The following ESYT2 variants were observed in gnomAD, a reference collection of about 807,000 sequenced individuals.
The protein encoded by ESYT2 is extended synaptotagmin 2.
Under a neutral mutation model 107.2 loss-of-function variants are expected in ESYT2, and 54 were observed. The ratio of observed to expected loss-of-function variants is 0.50; its 90% CI spans 0.40 to 0.63. ESYT2 has a LOEUF of 0.63. ESYT2 is among the 30% of genes least tolerant of loss of function. ESYT2 has a pLI of 0.00. For synonymous variants in ESYT2, 491 were observed against 434.1 expected (o/e 1.13, Z -1.63); for missense variants, 1,020 against 1,094.5 (o/e 0.93, Z 0.96).
chr7:158,770,671 T>C lies in ESYT2; in HGVS notation c.803+2670A>G, dbSNP rs963870736. Reference sequence around the variant, plus strand: ...CTGGGACTACAGGCGCCTGCCACCATGCCCGGCTAATTTTTTTGTATTTTC... The same window carrying C: ...CTGGGACTACAGGCGCCTGCCACCACGCCCGGCTAATTTTTTTGTATTTTC... On this transcript the variant is annotated intron_variant, in intron 7 of 22. Coordinates refer to ENST00000275418, the MANE Select transcript of ESYT2 (RefSeq NM_001367773.1). 2.2e-4 allele frequency among the ~76,000 whole-genome samples: 33 copies of C among 151,980 alleles called. No homozygotes were observed. The East Asian group carries it at 2.7e-3, about 13-fold the overall frequency.
At chr7:158,779,750 C>T (rs1838706855) in intron 6 of ESYT2, among the ~76,000 whole-genome samples, 2 of 152,238 alleles carry the variant, frequency 1.3e-5, no homozygotes, top group African/African-American at 4.8e-5. Context: ...TCACTTGCTT[C>T]TAAGTCTCTC....
At chr7:158,824,908 T>C (rs1242515792) in intron 1 of ESYT2, among the ~76,000 whole-genome samples, 3 of 152,230 alleles carry the variant, frequency 2.0e-5, no homozygotes, top group African/African-American at 7.2e-5. Context: ...TCCCAGCTAC[T>C]TGGGAGACTC....
rs192785465 is a variant in ESYT2 at position 158,796,679 on chromosome 7, G to A, written c.507+1263C>T. Reference sequence around the variant, plus strand: ...AGGCTGACATGGCCAAGACGGCACCGCGGACAAGAAGGCAGCAGGATGGCC... The same window carrying A: ...AGGCTGACATGGCCAAGACGGCACCACGGACAAGAAGGCAGCAGGATGGCC... On this transcript the variant is annotated intron_variant, in intron 3 of 22. Transcript: ENST00000275418. 3.1e-3 allele frequency among the ~76,000 whole-genome samples: 471 copies of A among 152,342 alleles called. 5 individuals carry two copies. The highest frequency in any genetic ancestry group is 0.011 in the African/African-American group (445 of 41,574).
Position 158,764,819 on chromosome 7 carries a change from T to G in ESYT2, c.959A>C (p.Asp320Ala). The change falls in exon 9 of 23, where the codon GAT becomes GCT. Residue 320 changes from aspartate (D) to alanine (A), a missense_variant. Asp to Ala is a moderately radical substitution (Grantham distance 126). Coordinates refer to ENST00000275418, the MANE Select transcript of ESYT2 (RefSeq NM_001367773.1). ...AAGGTAAGTGTCTTTCCCCTGAAGA[T>G]CCTGAGCTTCAATAAAATGTATCCT... The part of the protein sequence containing the change: ...VLRIHFIEAQ[D>A]LQGKDTYLKG... 1 of 1,614,160 alleles carries G rather than the reference T, an allele frequency of 6.2e-7. No homozygotes were observed. Among genetic ancestry groups the G allele is most frequent in the Non-Finnish European group, 8.5e-7 (1 of 1,180,002 alleles).
chr7:158,778,032 C>T (rs757803023), intron 6 of ESYT2, among the ~76,000 whole-genome samples: 6 of 152,126 alleles, frequency 3.9e-5, no homozygotes, highest in South Asian at 2.1e-4. Context: ...CACAATAAAG[C>T]GAGGTGTGCC....
intron 14 of ESYT2, among the ~76,000 whole-genome samples, chr7:158,751,282 T>A (rs1837575484): frequency 6.6e-6 from 1 of 152,228 alleles, no homozygotes; most frequent in African/African-American, 2.4e-5. Context: ...AAATAAACAC[T>A]GTCAAAACTT....
At chr7:158,818,055 C>G (rs1840194017) in intron 1 of ESYT2, among the ~76,000 whole-genome samples, 1 of 152,180 alleles carries the variant, frequency 6.6e-6, no homozygotes, top group Non-Finnish European at 1.5e-5. Flanking sequence ...ACATATAATA[C>G]ACGTTAAAAT....
At chr7:158,804,281 CGCG>C (rs2129473736) in intron 1 of ESYT2, among the ~76,000 whole-genome samples, 1 of 75,882 alleles carries the variant, frequency 1.3e-5, no homozygotes, top group South Asian at 5.9e-4. Context: ...GGGTGAGGCG[CGCG>C]ACAAACCCAA....
At chr7:158,806,027 T>C (rs1440404341) in intron 1 of ESYT2, among the ~76,000 whole-genome samples, 2 of 149,648 alleles carry the variant, frequency 1.3e-5, no homozygotes, top group African/African-American at 2.5e-5. Context: ...CAGGGCTCTT[T>C]TGGCCTGAAG....
chr7:158,820,412 A>G (rs1247616335), intron 1 of ESYT2, among the ~76,000 whole-genome samples: 2 of 152,230 alleles, frequency 1.3e-5, no homozygotes, highest in Non-Finnish European at 2.9e-5. Flanking sequence ...TTTGTTAATT[A>G]GCTTGATTTA....
chr7:158,790,859 C>T (rs1038941897), intron 4 of ESYT2, among the ~76,000 whole-genome samples: 7 of 152,042 alleles, frequency 4.6e-5, no homozygotes, highest in African/African-American at 1.7e-4. Context: ...ATCCAGGAGG[C>T]GGAGGTTGCA....
At chr7:158,824,361 T>G (rs2129474393) in intron 1 of ESYT2, among the ~76,000 whole-genome samples, 1 of 152,256 alleles carries the variant, frequency 6.6e-6, no homozygotes, top group East Asian at 1.9e-4. Flanking sequence ...TGCCAACTAT[T>G]TTCAGTTACA....
chr7:158,827,162 C>CAAAAAAA (rs34940580), intron 1 of ESYT2, among the ~76,000 whole-genome samples: 3 of 106,014 alleles, frequency 2.8e-5, no homozygotes, highest in Non-Finnish European at 4.2e-5. Flanking sequence ...GGCTCTGTCT[C>CAAAAAAA]AAAAAAAAAA....
intron 4 of ESYT2, among the ~76,000 whole-genome samples, chr7:158,791,002 T>C (rs1262813790): frequency 6.6e-6 from 1 of 152,100 alleles, no homozygotes; most frequent in African/African-American, 2.4e-5. Context: ...AACTCAGTGG[T>C]ACTAAACACA....
intron 13 of ESYT2, among the ~76,000 whole-genome samples, chr7:158,754,955 A>G (rs34067093): frequency 6.6e-6 from 1 of 152,176 alleles, no homozygotes; most frequent in Non-Finnish European, 1.5e-5. Context: ...ATGCTGTCAT[A>G]TCAGGCTTAA....
chr7:158,814,705 C>T (rs756798759), intron 1 of ESYT2, among the ~76,000 whole-genome samples: 9 of 152,234 alleles, frequency 5.9e-5, no homozygotes, highest in Non-Finnish European at 8.8e-5. Context: ...CCTGCCACCA[C>T]CCTGGTGTCT....
At chr7:158,788,704 A>G (rs897055689) in intron 4 of ESYT2, among the ~76,000 whole-genome samples, 1 of 152,252 alleles carries the variant, frequency 6.6e-6, no homozygotes, top group Non-Finnish European at 1.5e-5. Flanking sequence ...TTAACTAAAT[A>G]TAAATGTCCA....
intron 4 of ESYT2, among the ~76,000 whole-genome samples, chr7:158,788,895 A>G (rs1387794759): frequency 2.0e-5 from 3 of 152,242 alleles, no homozygotes; most frequent in South Asian, 2.1e-4. Flanking sequence ...CTAGGCCTCT[A>G]TAACATCAAA....
In ESYT2 at chr7:158,829,456, G is replaced by A. The variant is rs933187326; in HGVS notation, c.-38C>T. 8 of 1,200,892 alleles carry A rather than the reference G, an allele frequency of 6.7e-6. No homozygotes were observed. The African/African-American group carries it at 8.0e-5, about 12-fold the overall frequency. The allele number at this position is 1,200,892 out of a possible 1,614,324, so 74.4% of individuals were successfully genotyped here. On this transcript the variant is annotated 5_prime_UTR_variant, in exon 1 of 23. Coordinates refer to ENST00000275418, the MANE Select transcript of ESYT2 (RefSeq NM_001367773.1). ...CCGCGCTGCCCTCCCGGCCGAGGCG[G>A]GCTGGGTGCTCGCGCTGATCCCGGG...
Sources: allele counts gnomAD v4.1 joint callset (sites outside exome capture counted in the v4.1 genomes callset), GRCh38; gene constraint gnomAD v4.1.1; transcripts MANE v1.5; gene names NCBI Gene and HGNC (gene_info 2026-07-23, HGNC 2026-07-21).